The following CYB5R4 variants were observed in gnomAD, a reference collection of about 807,000 sequenced individuals.
The protein encoded by CYB5R4 is N-terminal cytochrome b5 and cytochrome b5 oxidoreductase domain-containing protein.
A neutral mutation model predicts 70.2 loss-of-function variants in CYB5R4; 55 were observed. The ratio of observed to expected loss-of-function variants is 0.78; its 90% CI spans 0.63 to 0.98. The LOEUF is 0.98. Among genes scored for constraint, CYB5R4 ranks in the 50% least tolerant of loss-of-function variants. The probability of loss-of-function intolerance (pLI) is 0.00; values close to 1 mark genes in which losing one functional copy is unlikely to be tolerated. For missense variants in CYB5R4, 562 were observed against 612.6 expected (o/e 0.92, Z 0.87); for synonymous variants, 197 against 199.5 (o/e 0.99, Z 0.11).
At chr6:83,915,350 T>A (rs1442198285) in intron 5 of CYB5R4, among the ~76,000 whole-genome samples, 5 of 152,242 alleles carry the variant, frequency 3.3e-5, no homozygotes, top group Non-Finnish European at 7.3e-5. Flanking sequence ...ACCTTTTTCT[T>A]TGTTAACTGA....
chr6:83,936,116 ATATAGTTTTAAAT>A (rs2129142450), intron 11 of CYB5R4, 95 bp from the exon 12 acceptor site: 1 of 685,190 alleles, frequency 1.5e-6, no homozygotes. Flanking sequence ...CCCATTAGGT[ATATAGTTTTAAAT>A]ATATACTGAT....
chr6:83,900,080 T>C lies in CYB5R4; in HGVS notation c.330+6458T>C, dbSNP rs966159845. On this transcript the variant is annotated intron_variant, in intron 3 of 15. Coordinates refer to ENST00000369681, the MANE Select transcript of CYB5R4 (RefSeq NM_016230.4). ...TGTTAGGGTGTCAATTTTGGATCTT[T>C]CCTGCTTTCTCTTGTGGGCATTTAG... 1.3e-4 allele frequency among the ~76,000 whole-genome samples: 20 copies of C among 152,238 alleles called. No individual in the cohort carries two copies. In the East Asian group the frequency reaches 1.7e-3, roughly 13 times the overall value.
intron 3 of CYB5R4, among the ~76,000 whole-genome samples, chr6:83,904,258 A>G (rs2099463418): frequency 6.6e-6 from 1 of 152,116 alleles, no homozygotes; most frequent in Non-Finnish European, 1.5e-5. Flanking sequence ...ATTTGTTTCA[A>G]GAAATTTTTT....
At chr6:83,939,378 C>A (rs2099469404) in intron 12 of CYB5R4, among the ~76,000 whole-genome samples, 1 of 152,092 alleles carries the variant, frequency 6.6e-6, no homozygotes, top group Admixed American at 6.6e-5. Context: ...AGAAAATGGG[C>A]ACTGATTTCT....
intron 15 of CYB5R4, 133 bp downstream of exon 15, chr6:83,955,595 G>A: frequency 1.1e-6 from 1 of 870,680 alleles, no homozygotes; most frequent in Non-Finnish European, 1.7e-6. Flanking sequence ...AAATAACAAA[G>A]TCTTTAAATC....
At chr6:83,935,122 A>G (rs1403648571) in intron 11 of CYB5R4, among the ~76,000 whole-genome samples, 1 of 152,238 alleles carries the variant, frequency 6.6e-6, no homozygotes, top group Admixed American at 6.5e-5. Context: ...AGTTGAATCT[A>G]TAAAATTTAA....
chr6:83,864,102 G>A, intron 1 of CYB5R4, 73 bp from the exon 2 acceptor site: 1 of 1,328,644 alleles, frequency 7.5e-7, no homozygotes, highest in South Asian at 1.5e-5. Context: ...TGTTAGATTT[G>A]AGTTTTATTA....
intron 3 of CYB5R4, among the ~76,000 whole-genome samples, chr6:83,904,959 G>T (rs1423469211): frequency 6.6e-6 from 1 of 150,652 alleles, no homozygotes; most frequent in Non-Finnish European, 1.5e-5. Context: ...ATATTTCCTT[G>T]CTTTTTCATG....
Position 83,955,433 on chromosome 6 carries a change from A to G in CYB5R4, c.1482A>G (p.Gly494=), listed in dbSNP as rs1261722840. The G allele has an allele frequency of 1.2e-6, 2 of 1,613,804 alleles. No homozygotes were observed. The highest frequency in any genetic ancestry group is 1.7e-6 in the Non-Finnish European group (2 of 1,179,898). ...DKSKVLVCIC[G]PVPFTEQGVR... ...CCAAAGTTCTCGTCTGCATTTGTGG[A>G]CCAGTGCCATTTACAGAACAAGGAG... is the stretch of plus-strand genomic sequence containing the variant. Residue 494 remains glycine, a synonymous_variant, in exon 15 of 16, where the codon GGA becomes GGG. Transcript: ENST00000369681.
In CYB5R4 at chr6:83,961,704, CTATT is replaced by C. The variant is rs1426636022; in HGVS notation, c.*1829_*1832del. 6.6e-6 allele frequency: 1 copy of C among 151,956 alleles called. No homozygotes were observed. Among genetic ancestry groups the C allele is most frequent in the African/African-American group, 2.4e-5 (1 of 41,408 alleles). The allele number at this position is 151,956 out of a possible 1,614,324, so 9.4% of individuals were successfully genotyped here. A position where few individuals can be genotyped will look rare whatever the true frequency, so the allele number is the denominator to read the frequency against. ...GAAAATAGACTAATATAAAAAGAGA[CTATT>C]TACCACTTTTTTTTAGTTCATTTGC... On this transcript the variant is annotated 3_prime_UTR_variant, in exon 16 of 16. Coordinates refer to ENST00000369681, the MANE Select transcript of CYB5R4 (RefSeq NM_016230.4).
chr6:83,929,121 T>A (rs977184155), intron 10 of CYB5R4, among the ~76,000 whole-genome samples: 8 of 152,192 alleles, frequency 5.3e-5, no homozygotes, highest in African/African-American at 1.9e-4. Context: ...GCAAAGATAA[T>A]TTCATCTTTC....
At chr6:83,876,066 A>G (rs907093769) in intron 2 of CYB5R4, among the ~76,000 whole-genome samples, 4 of 152,158 alleles carry the variant, frequency 2.6e-5, no homozygotes, top group African/African-American at 9.6e-5. Context: ...AGGGACTTCC[A>G]TGTTTCGTGT....
At chr6:83,899,639 C>T (rs1305084258) in intron 3 of CYB5R4, among the ~76,000 whole-genome samples, 2 of 152,148 alleles carry the variant, frequency 1.3e-5, no homozygotes, top group African/African-American at 4.8e-5. Context: ...GCCTCAATTT[C>T]AGAGCCTGTT....
chr6:83,946,739 C>G (rs1187815366), intron 14 of CYB5R4, among the ~76,000 whole-genome samples: 1 of 152,156 alleles, frequency 6.6e-6, no homozygotes, highest in African/African-American at 2.4e-5. Context: ...GATACAAAAT[C>G]AATGTGCAAA....
intron 10 of CYB5R4, among the ~76,000 whole-genome samples, chr6:83,933,737 A>G (rs2099468500): frequency 1.3e-5 from 2 of 152,194 alleles, no homozygotes; most frequent in African/African-American, 4.8e-5. Context: ...TTTGCTCTGT[A>G]TACAAACAAT....
At position 83,959,832 on chromosome 6, in the gene CYB5R4, A is replaced by C; in HGVS notation, c.1520A>C (p.His507Pro). Residue 507 changes from histidine to proline, a missense_variant, in exon 16 of 16, where the codon CAT becomes CCT. Transcript: ENST00000369681. ...PFTEQGVRLLHDLNFSKNEIH... is the reference protein window; with the variant it reads ...PFTEQGVRLLPDLNFSKNEIH... ...TTTTATTTGTTTTTCAGGTTGCTGCATGATCTCAACTTTTCCAAAAATGAG... is the reference window on the plus strand; with the variant it reads ...TTTTATTTGTTTTTCAGGTTGCTGCCTGATCTCAACTTTTCCAAAAATGAG... 6.2e-7 allele frequency: 1 copy of C among 1,600,810 alleles called. No homozygotes were observed. The highest frequency in any genetic ancestry group is 8.5e-7 in the Non-Finnish European group (1 of 1,174,018).
At chr6:83,933,698 A>T (rs2099468492) in intron 10 of CYB5R4, among the ~76,000 whole-genome samples, 2 of 152,192 alleles carry the variant, frequency 1.3e-5, no homozygotes, top group South Asian at 4.1e-4. Flanking sequence ...GAAATTCTGT[A>T]ATAAATTCTT....
chr6:83,921,430 T>C (rs2099466352), intron 8 of CYB5R4, among the ~76,000 whole-genome samples: 1 of 152,162 alleles, frequency 6.6e-6, no homozygotes, highest in South Asian at 2.1e-4. Flanking sequence ...GTTGGCCCAG[T>C]TGTGTAAAAT....
At chr6:83,894,767 GGAAGA>G (rs2099461604) in intron 3 of CYB5R4, among the ~76,000 whole-genome samples, 1 of 147,932 alleles carries the variant, frequency 6.8e-6, no homozygotes, top group Non-Finnish European at 1.5e-5. Context: ...AAAATCATAA[GGAAGA>G]GAAAATATAT....
Sources: allele counts gnomAD v4.1 joint callset (sites outside exome capture counted in the v4.1 genomes callset), GRCh38; gene constraint gnomAD v4.1.1; transcripts MANE v1.5; gene names NCBI Gene and HGNC (gene_info 2026-07-23, HGNC 2026-07-21).